The following MAP4K2 variants were observed in gnomAD, a reference collection of about 807,000 sequenced individuals.
The protein encoded by MAP4K2 is mitogen-activated protein kinase kinase kinase kinase 2, also known as B lymphocyte serine/threonine protein kinase.
MAP4K2 carries 85 observed loss-of-function variants against 125.3 expected under a neutral mutation model. That is an observed-to-expected ratio of 0.68 (90% CI 0.57 to 0.81). The LOEUF is 0.81. Ranked by LOEUF, MAP4K2 falls within the 40% of genes least tolerant of loss-of-function variation. The probability of loss-of-function intolerance (pLI) is 0.00; values close to 1 mark genes in which losing one functional copy is unlikely to be tolerated. For missense variants in MAP4K2, 923 were observed against 1,056.4 expected (o/e 0.87, Z 1.75); for synonymous variants, 479 against 445.1 (o/e 1.08, Z -0.96).
chr11:64,802,316 G>A, intron 4 of MAP4K2, 103 bp downstream of exon 4: 2 of 1,271,166 alleles, frequency 1.6e-6, no homozygotes, highest in African/African-American at 1.5e-5. Flanking sequence ...AGGCAGGAGT[G>A]GAGAGGAGCC....
At chr11:64,795,807 A>C (rs963672451) in intron 24 of MAP4K2, among the ~76,000 whole-genome samples, 1 of 152,026 alleles carries the variant, frequency 6.6e-6, no homozygotes, top group South Asian at 2.1e-4. Flanking sequence ...TTGGGATTAC[A>C]GGCATGAACC....
chr11:64,798,712 G>C, intron 15 of MAP4K2, 82 bp downstream of exon 15: 2 of 1,494,410 alleles, frequency 1.3e-6, no homozygotes, highest in Non-Finnish European at 1.9e-6. Context: ...TGGGATTACA[G>C]GCATGAGCCA....
At chr11:64,798,668 C>T (rs566468285) in intron 15 of MAP4K2, 126 bp downstream of exon 15, 3 of 943,382 alleles carry the variant, frequency 3.2e-6, no homozygotes, top group Non-Finnish European at 5.0e-6. Flanking sequence ...CTCCTGACCT[C>T]AGGTGATCCA....
In MAP4K2 at chr11:64,801,718, C is replaced by T; in HGVS notation, c.406G>A (p.Asp136Asn). 6 of 1,613,904 alleles carry T rather than the reference C, an allele frequency of 3.7e-6. No homozygotes were observed. The highest frequency in any genetic ancestry group is 1.3e-5 in the African/African-American group (1 of 75,028). ...HLHSQGKIHR[D>N]IKGANLLLTL... is the part of the protein sequence containing the mutation. ...CCCAGCTAGGTGCCTACCTTGATGT[C>T]TCTGTGGATCTTCCCCTGAGAATGC... Residue 136 changes from aspartate (D) to asparagine (N), a missense_variant, in exon 6 of 32, where the codon GAC (aspartate) becomes AAC (asparagine). Coordinates refer to ENST00000294066, the MANE Select transcript of MAP4K2 (RefSeq NM_004579.5).
chr11:64,794,151 AC>A (rs1270769428), intron 24 of MAP4K2, among the ~76,000 whole-genome samples: 1 of 152,184 alleles, frequency 6.6e-6, no homozygotes, highest in African/African-American at 2.4e-5. Flanking sequence ...CGCAGGTCCC[AC>A]TTGCACATCT....
chr11:64,796,956 C>A, intron 20 of MAP4K2, 26 bp downstream of exon 20: 1 of 1,613,772 alleles, frequency 6.2e-7, no homozygotes, highest in East Asian at 2.2e-5. Context: ...GGCTGTGGGA[C>A]TGCAGGGCTT....
rs1941072950 is a variant in MAP4K2, at chr11:64,800,146, T to A, written c.878A>T (p.His293Leu). 5 of 1,612,160 alleles carry A rather than the reference T, an allele frequency of 3.1e-6. No homozygotes were observed. In the African/African-American group the frequency reaches 6.7e-5, roughly 22 times the overall value. Residue 293 changes from histidine (H) to leucine (L), a missense_variant, in exon 12 of 32, where the codon CAT becomes CTT. By Grantham distance (99) the His-to-Leu change is moderately conservative (BLOSUM62 -3). Coordinates refer to ENST00000294066, the MANE Select transcript of MAP4K2 (RefSeq NM_004579.5). Reference protein sequence around the residue: ...TQLLDKASDPHLGTPSPEDCE... With the variant: ...TQLLDKASDPLLGTPSPEDCE... The stretch of plus-strand genomic sequence containing the variant: ...GTCCTCAGGGGAGGGGGTCCCCAGA[T>A]GAGGGTCACTGGCTTTGTCCAGCAG...
chr11:64,790,306 G>T, intron 28 of MAP4K2, 32 bp from the exon 29 acceptor site: 5 of 1,613,278 alleles, frequency 3.1e-6, no homozygotes, highest in Non-Finnish European at 4.2e-6. Context: ...GAGTGGGGAC[G>T]GGGAGGCTCC....
Position 64,787,934 on chromosome 11 carries a change from CCT to C in MAP4K2, c.*1601_*1602del, listed in dbSNP as rs1940265731. The C allele has an allele frequency of 6.6e-6, 1 of 152,154 alleles. No individual in the cohort carries two copies. The highest frequency in any genetic ancestry group is 1.5e-5 in the Non-Finnish European group (1 of 68,044). 9.4% of individuals were successfully genotyped at this position (152,154 alleles called of 1,614,324 possible). On this transcript the variant is annotated 3_prime_UTR_variant, in exon 32 of 32. Transcript: ENST00000294066. ...GGAAGTTAGGAATTCACTTTGTATC[CCT>C]GTTACCACCGACCCCAATTTGGAAG...
rs766371522 is a variant in MAP4K2 at position 64,803,132 on chromosome 11, A to G, written c.18T>C (p.Asp6=). The G allele has an allele frequency of 1.0e-5, 16 of 1,548,464 alleles. No individual in the cohort carries two copies. The South Asian group carries it at 1.6e-4, about 16-fold the overall frequency. Residue 6 remains aspartate (D), a synonymous_variant, in exon 1 of 32, where the codon GAT becomes GAC. Coordinates refer to ENST00000294066, the MANE Select transcript of MAP4K2 (RefSeq NM_004579.5). ...GGTCCCGCGGGTCCTGCAGCGACAC[A>G]TCCCGCAGCAGCGCCATGGCCCGGC... The part of the protein sequence containing the change: MALLR[D]VSLQDPRDRF...
chr11:64,795,789 T>C (rs1940760932), intron 24 of MAP4K2, among the ~76,000 whole-genome samples: 1 of 152,110 alleles, frequency 6.6e-6, no homozygotes, highest in Non-Finnish European at 1.5e-5. Context: ...CTGCCTCGGA[T>C]TACAGGATTG....
intron 24 of MAP4K2, among the ~76,000 whole-genome samples, chr11:64,795,372 G>GCGCC (rs1940733201): frequency 6.6e-6 from 1 of 151,768 alleles, no homozygotes; most frequent in Admixed American, 6.6e-5. Context: ...CTGAGCCACT[G>GCGCC]CGCCTGGCCC....
In MAP4K2 at chr11:64,798,804, C is replaced by T; in HGVS notation, c.1087G>A (p.Glu363Lys). Residue 363 changes from glutamate to lysine, a missense_variant, in exon 15 of 32, where the codon GAG becomes AAG. Physicochemically the swap from Glu to Lys is moderately conservative, Grantham distance 56. This residue lies in a region of MAP4K2 where 833 missense variants were observed against 911.4 expected (regional missense o/e 0.91). Transcript: ENST00000294066. ...EEEWTLLGKE[E>K]LSGSLLQSVQ... The stretch of plus-strand genomic sequence containing the variant: ...CCATACCTCACTTACCCACTCAACT[C>T]TTCCTTTCCCAGTAGTGTCCACTCT... The T allele has an allele frequency of 6.2e-7, 1 of 1,611,160 alleles. No homozygotes were observed. The highest frequency in any genetic ancestry group is 1.1e-5 in the South Asian group (1 of 90,624).
Position 64,796,365 on chromosome 11 carries a change from A to T in MAP4K2, c.1659T>A (p.His553Gln). 5.0e-6 allele frequency: 8 copies of T among 1,594,056 alleles called. No individual in the cohort carries two copies. Among genetic ancestry groups the T allele is most frequent in the Non-Finnish European group, 6.8e-6 (8 of 1,168,870 alleles). ...LSGKSTHIWA[H>Q]DLPGLFEQRR... Reference sequence around the variant, plus strand: ...GCTGCTCAAACAGGCCTGGGAGGTCATGGGCCCAGATGTGCGTGGATTTCC... The same window carrying T: ...GCTGCTCAAACAGGCCTGGGAGGTCTTGGGCCCAGATGTGCGTGGATTTCC... Residue 553 changes from histidine to glutamine, a missense_variant, in exon 24 of 32, where the codon CAT becomes CAA. By Grantham distance (24) the His-to-Gln change is conservative. Around this residue, in one of 2 missense-constraint regions of MAP4K2, gnomAD observed 833 missense variants for 911.4 expected, o/e 0.91. Transcript: ENST00000294066.
At chr11:64,793,476 G>A (rs533556815) in intron 24 of MAP4K2, among the ~76,000 whole-genome samples, 4 of 152,292 alleles carry the variant, frequency 2.6e-5, no homozygotes, top group South Asian at 2.1e-4. Flanking sequence ...AGTTATCAGA[G>A]GGGCCGTTGC....
Position 64,800,768 on chromosome 11 carries a change from G to C in MAP4K2, c.721C>G (p.Arg241Gly), listed in dbSNP as rs139068533. ...GCAGCAGGGTGTGGCCCTTACCAGC[G>C]AGTCTTATCTCTCAGTTTGGGCGGC... ...FQPPKLRDKT[R>G]WTQNFHHFLK... Residue 241 changes from arginine (R) to glycine (G), a missense_variant, in exon 10 of 32, where the codon CGC becomes GGC. Physicochemically the swap from Arg to Gly is moderately radical, Grantham distance 125. This residue lies in a region of MAP4K2 where 833 missense variants were observed against 911.4 expected (regional missense o/e 0.91). Transcript: ENST00000294066. The C allele has an allele frequency of 6.2e-7, 1 of 1,604,778 alleles. No homozygotes were observed. Among genetic ancestry groups the C allele is most frequent in the Admixed American group, 1.7e-5 (1 of 58,470 alleles).
At chr11:64,799,372 C>T in intron 14 of MAP4K2, 49 bp downstream of exon 14, 1 of 1,602,454 alleles carries the variant, frequency 6.2e-7, no homozygotes, top group Non-Finnish European at 8.5e-7. Flanking sequence ...ATCCGACCTC[C>T]CTGCCCCACC....
intron 16 of MAP4K2, 35 bp from the exon 17 acceptor site, chr11:64,797,569 G>A: frequency 6.3e-7 from 1 of 1,575,646 alleles, no homozygotes; most frequent in Non-Finnish European, 8.6e-7. Context: ...GGCATGAGGT[G>A]TGACTGGCAC....
At position 64,800,955 on chromosome 11, in the gene MAP4K2, T is replaced by C; in HGVS notation, c.607A>G (p.Thr203Ala). The C allele has an allele frequency of 6.2e-7, 1 of 1,613,998 alleles. No individual in the cohort carries two copies. Residue 203 changes from threonine (T) to alanine (A), a missense_variant, in exon 9 of 32, where the codon ACT (threonine) becomes GCT (alanine). By Grantham distance (58) the Thr-to-Ala change is moderately conservative (BLOSUM62 0). Transcript: ENST00000294066. ...ELCDVWALGI[T>A]AIELGELQPP... ...TGCAGCTCGCCCAGCTCAATGGCAG[T>C]GATGCCCAGGGCCCAGACGTCACAT...
Sources: gnomAD v4.1 joint callset for allele counts (sites outside exome capture counted in the v4.1 genomes callset) on GRCh38, gnomAD v4.1.1 for gene constraint, gnomAD v4.1.1 regional missense constraint, MANE v1.5 for transcripts, NCBI Gene and HGNC (gene_info 2026-07-23, HGNC 2026-07-21) for gene names.